Variants in DMD observed in about 807,000 individuals in gnomAD.
The protein encoded by DMD is mutant dystrophin.
DMD carries 63 observed loss-of-function variants against 330.1 expected under a neutral mutation model. The ratio of observed to expected loss-of-function variants is 0.19; its 90% CI spans 0.16 to 0.24. The LOEUF (loss-of-function observed/expected upper bound fraction) is 0.24. Among genes scored for constraint, DMD ranks in the 10% least tolerant of loss-of-function variants. The pLI, the probability that DMD is intolerant of heterozygous loss-of-function variation, is 1.00. For missense variants in DMD, 3,344 were observed against 2,684.1 expected, an observed-to-expected ratio of 1.25 and a Z score of -5.43; for synonymous variants, 1,223 against 959.8, an observed-to-expected ratio of 1.27 and a Z score of -5.07.
intron 44 of DMD, among the ~76,000 whole-genome samples, chrX:32,087,891 G>A (rs1329852009): frequency 4.5e-5 from 5 of 112,350 alleles, no homozygotes; most frequent in Admixed American, 1.9e-4. Context: ...ATGACTCAGT[G>A]TTATTTCTGG....
At chrX:33,055,321 G>A (rs1034564618) in intron 1 of DMD, among the ~76,000 whole-genome samples, 1 of 111,453 alleles carries the variant, frequency 9.0e-6, no homozygotes, top group Non-Finnish European at 1.9e-5. Flanking sequence ...GGAAGCAGCC[G>A]GATTATTGGT....
intron 61 of DMD, chrX:31,348,156 C>G: frequency 5.2e-6 from 1 of 193,825 alleles, no homozygotes; most frequent in Non-Finnish European, 9.6e-6. Flanking sequence ...ATGAACTGAA[C>G]TGATAGGCAG....
At chrX:32,576,752 G>A (rs938178734) in intron 13 of DMD, among the ~76,000 whole-genome samples, 2 of 103,494 alleles carry the variant, frequency 1.9e-5, no homozygotes, top group African/African-American at 7.0e-5. Flanking sequence ...GGGAGGGAGG[G>A]ATTGCTGTAA....
chrX:32,102,499 A>G, intron 44 of DMD, among the ~76,000 whole-genome samples: 1 of 111,551 alleles, frequency 9.0e-6, no homozygotes, highest in Non-Finnish European at 1.9e-5. Flanking sequence ...ACATATTTAA[A>G]TGAATAATTT....
chrX:32,672,436 G>A (rs2061689856), intron 9 of DMD, among the ~76,000 whole-genome samples: 1 of 110,996 alleles, frequency 9.0e-6, no homozygotes, highest in Non-Finnish European at 1.9e-5. Context: ...ATTAAATCAT[G>A]GGAAAACACT....
intron 60 of DMD, among the ~76,000 whole-genome samples, chrX:31,381,823 A>G (rs1238270137): frequency 2.7e-5 from 3 of 111,865 alleles, no homozygotes; most frequent in Admixed American, 1.9e-4. Flanking sequence ...TCAAAGAAAT[A>G]ACTTCTCAGT....
At chrX:32,601,108 C>A (rs750430418) in intron 12 of DMD, among the ~76,000 whole-genome samples, 57 of 111,166 alleles carry the variant, frequency 5.1e-4, no homozygotes, top group Non-Finnish European at 1.1e-4. Context: ...CTGGGCTAGG[C>A]TCTATATCCC....
intron 45 of DMD, among the ~76,000 whole-genome samples, chrX:31,956,884 C>T (rs767816996): frequency 8.9e-6 from 1 of 112,428 alleles, no homozygotes; most frequent in African/African-American, 3.2e-5. Flanking sequence ...ACAAAATCCC[C>T]AAATACAAAT....
intron 6 of DMD, among the ~76,000 whole-genome samples, chrX:32,810,796 G>A (rs906832834): frequency 5.4e-5 from 6 of 111,485 alleles, no homozygotes; most frequent in Non-Finnish European, 9.4e-5. Flanking sequence ...TGCTTTAGGG[G>A]AAGTACAAAT....
chrX:32,140,155 T>G (rs979696997), intron 44 of DMD, among the ~76,000 whole-genome samples: 1 of 112,242 alleles, frequency 8.9e-6, no homozygotes, highest in African/African-American at 3.2e-5. Flanking sequence ...TTCAATGATA[T>G]GATTTGAATT....
intron 51 of DMD, among the ~76,000 whole-genome samples, chrX:31,766,902 T>TGTGTGTGTGTGTGTG (rs58442587): frequency 2.7e-5 from 3 of 110,304 alleles, no homozygotes; most frequent in Non-Finnish European, 3.8e-5. Flanking sequence ...TGTGTGTGTG[T>TGTGTGTGTGTGTGTG]TTGCAACTCT....
At position 33,077,553 on chromosome X, in the gene DMD, G is replaced by A. The variant is rs375265323; in HGVS notation, c.32-57353C>T. 9.8e-5 allele frequency among the ~76,000 whole-genome samples: 11 copies of A among 111,727 alleles called. No individual in the cohort carries two copies. The East Asian group carries it at 1.7e-3, about 17-fold the overall frequency. The stretch of plus-strand genomic sequence containing the variant: ...GGAATGGGAACGAACTCCAAGGTGA[G>A]AAGAGTGGAACTGCTTTGCAACTGT... On this transcript the variant is annotated intron_variant, in intron 1 of 78. Transcript: ENST00000357033.
intron 55 of DMD, among the ~76,000 whole-genome samples, chrX:31,581,762 T>C (rs1329315415): frequency 2.7e-5 from 3 of 111,927 alleles, no homozygotes; most frequent in Non-Finnish European, 5.6e-5. Flanking sequence ...ATATTAAAAA[T>C]TGATCACAGA....
chrX:32,617,205 A>T (rs1317087113), intron 11 of DMD, among the ~76,000 whole-genome samples: 1 of 110,756 alleles, frequency 9.0e-6, no homozygotes, highest in African/African-American at 3.3e-5. Context: ...CCCATATATG[A>T]TAGTGTTAAC....
intron 51 of DMD, among the ~76,000 whole-genome samples, chrX:31,738,084 A>C (rs1367771485): frequency 8.9e-6 from 1 of 112,109 alleles, no homozygotes; most frequent in Non-Finnish European, 1.9e-5. Context: ...TATAGGAGCA[A>C]AGCTTTCAGT....
At chrX:32,257,076 G>A (rs1569554239) in intron 43 of DMD, among the ~76,000 whole-genome samples, 2 of 111,808 alleles carry the variant, frequency 1.8e-5, no homozygotes, top group Non-Finnish European at 3.8e-5. Context: ...TTGCTACAAA[G>A]AGAATAAAGT....
chrX:33,138,056 A>T (rs750525113), intron 1 of DMD, among the ~76,000 whole-genome samples: 1 of 111,134 alleles, frequency 9.0e-6, no homozygotes, highest in South Asian at 3.9e-4. Context: ...AGATGAAGAA[A>T]CTAAGGAAAA....
chrX:31,769,146 T>A (rs1401428589), intron 51 of DMD, among the ~76,000 whole-genome samples: 2 of 112,330 alleles, frequency 1.8e-5, no homozygotes, highest in African/African-American at 6.5e-5. Flanking sequence ...GTTAGCTTAC[T>A]TGAATGTCAT....
At chrX:32,040,297 T>A (rs1353023066) in intron 44 of DMD, among the ~76,000 whole-genome samples, 1 of 111,354 alleles carries the variant, frequency 9.0e-6, no homozygotes, top group Non-Finnish European at 1.9e-5. Flanking sequence ...CCACTAGATT[T>A]TAAACTCAAA....
Sources: gnomAD v4.1 joint callset for allele counts (sites outside exome capture counted in the v4.1 genomes callset) on GRCh38, gnomAD v4.1.1 for gene constraint, MANE v1.5 for transcripts, NCBI Gene and HGNC (gene_info 2026-07-23, HGNC 2026-07-21) for gene names.